Variants in KCNQ5 observed in about 807,000 individuals in gnomAD.
KCNQ5 encodes the protein potassium voltage-gated channel subfamily KQT member 5.
KCNQ5 carries 30 observed loss-of-function variants against 98.2 expected under a neutral mutation model. The ratio of observed to expected loss-of-function variants is 0.31; its 90% confidence interval spans 0.23 to 0.41. The LOEUF is 0.41. Among genes scored for constraint, KCNQ5 ranks in the 10% least tolerant of loss-of-function variants. The pLI, the probability that KCNQ5 is intolerant of heterozygous loss-of-function variation, is 1.00. For missense variants in KCNQ5, 835 were observed against 1,182.5 expected, an observed-to-expected ratio of 0.71 and a Z score of 4.31; for synonymous variants, 458 against 449.4, an observed-to-expected ratio of 1.02 and a Z score of -0.24.
intron 5 of KCNQ5, among the ~76,000 whole-genome samples, chr6:73,093,792 T>A (rs1275936232): frequency 1.3e-5 from 2 of 152,178 alleles, no homozygotes; most frequent in East Asian, 3.8e-4. Context: ...ATTTCAATTT[T>A]CTTAAATTTA....
At chr6:72,784,334 G>T (rs1024162354) in intron 1 of KCNQ5, among the ~76,000 whole-genome samples, 1 of 152,156 alleles carries the variant, frequency 6.6e-6, no homozygotes, top group Non-Finnish European at 1.5e-5. Flanking sequence ...GAGAAGAGAA[G>T]AGAAGAGAGA....
chr6:73,152,197 T>C (rs1187570238), intron 10 of KCNQ5, among the ~76,000 whole-genome samples: 3 of 151,952 alleles, frequency 2.0e-5, no homozygotes, highest in Non-Finnish European at 4.4e-5. Context: ...TTCTAGAATA[T>C]CTTATTGGGT....
At position 72,781,902 on chromosome 6, in the gene KCNQ5, CTT is replaced by C. The variant is rs1773496045; in HGVS notation, c.398+159319_398+159320del. On this transcript the variant is annotated intron_variant, in intron 1 of 13. Coordinates refer to ENST00000370398, the MANE Select transcript of KCNQ5 (RefSeq NM_019842.4). ...TTAAGCAGTTGAACACAAAGAGAGTCTTTTTATATCTTATTTGAAACCCCTGA... is the reference window on the plus strand; with the variant it reads ...TTAAGCAGTTGAACACAAAGAGAGTCTTTATATCTTATTTGAAACCCCTGA... 2.0e-5 allele frequency among the ~76,000 whole-genome samples: 3 copies of C among 152,120 alleles called. No individual in the cohort carries two copies. In the East Asian group the frequency reaches 5.8e-4, roughly 29 times the overall value.
intron 1 of KCNQ5, chr6:72,986,321 C>T (rs72945360): frequency 0.035 from 11,792 of 338,890 alleles, 283 homozygotes; most frequent in Non-Finnish European, 0.045. Context: ...GGAGCAGGCT[C>T]TCATGTGGAG....
At chr6:72,871,890 C>T (rs887555074) in intron 1 of KCNQ5, among the ~76,000 whole-genome samples, 6 of 152,070 alleles carry the variant, frequency 3.9e-5, no homozygotes, top group African/African-American at 1.4e-4. Flanking sequence ...TCAGACAGAT[C>T]GTTGAAAAGA....
chr6:72,622,659 C>T lies in KCNQ5; in HGVS notation c.398+72C>T, dbSNP rs1300135631. The T allele has an allele frequency of 6.4e-7, 1 of 1,552,862 alleles. No homozygotes were observed. The highest frequency in any genetic ancestry group is 1.4e-5 in the African/African-American group (1 of 72,902). Reference sequence around the variant, plus strand: ...CCCTGGCCCCCTGGGGCGTGCTCCGCGCTCGCGCCCTTGGGCCCCCGCGCG... The same window carrying T: ...CCCTGGCCCCCTGGGGCGTGCTCCGTGCTCGCGCCCTTGGGCCCCCGCGCG... On this transcript the variant is annotated intron_variant, in intron 1 of 13. Transcript: ENST00000370398. This position sits in a 1 kb window ranked among gnomAD's most constrained non-coding sequence, Gnocchi z 6.0.
At position 72,786,734 on chromosome 6, in the gene KCNQ5, C is replaced by T. The variant is rs142958736; in HGVS notation, c.398+164147C>T. ...AGAAATGAGAATCCTGGGCCGGGCG[C>T]GGTGGCTCACGCCTGTAATCCCTGC... On this transcript the variant is annotated intron_variant, in intron 1 of 13. Coordinates refer to ENST00000370398, the MANE Select transcript of KCNQ5 (RefSeq NM_019842.4). 8.3e-3 allele frequency among the ~76,000 whole-genome samples: 1,257 copies of T among 151,960 alleles called. 21 individuals carry two copies. Among genetic ancestry groups the T allele is most frequent in the African/African-American group, 0.029 (1,204 of 41,426 alleles).
chr6:72,756,365 G>A (rs1771971641), intron 1 of KCNQ5, among the ~76,000 whole-genome samples: 1 of 152,174 alleles, frequency 6.6e-6, no homozygotes, highest in South Asian at 2.1e-4. Flanking sequence ...ATTTACCAAA[G>A]TGGAACTCCT....
intron 1 of KCNQ5, among the ~76,000 whole-genome samples, chr6:72,833,193 G>A (rs1387607903): frequency 6.6e-6 from 1 of 152,106 alleles, no homozygotes; most frequent in Non-Finnish European, 1.5e-5. Flanking sequence ...GGCATTTTAG[G>A]ACAGTGCTTA....
chr6:73,149,805 AAAGAG>A (rs200673428), intron 10 of KCNQ5, among the ~76,000 whole-genome samples: 13 of 143,956 alleles, frequency 9.0e-5, no homozygotes, highest in African/African-American at 3.8e-4. Flanking sequence ...AAAAAAAAAA[AAAGAG>A]AGAGAGAGAG....
chr6:72,962,081 G>A (rs1023472798), intron 1 of KCNQ5, among the ~76,000 whole-genome samples: 2 of 151,470 alleles, frequency 1.3e-5, no homozygotes, highest in Admixed American at 6.6e-5. Context: ...GGGAGACTGA[G>A]GCAGGAGGAT....
At chr6:72,866,738 A>G (rs556688598) in intron 1 of KCNQ5, among the ~76,000 whole-genome samples, 8 of 152,340 alleles carry the variant, frequency 5.3e-5, no homozygotes, top group African/African-American at 1.7e-4. Context: ...TAGTTAATTT[A>G]AAAGCATGAA....
chr6:72,769,878 T>C (rs1772768425), intron 1 of KCNQ5, among the ~76,000 whole-genome samples: 2 of 152,088 alleles, frequency 1.3e-5, no homozygotes, highest in Non-Finnish European at 2.9e-5. Flanking sequence ...CAACAGCTGT[T>C]AATTTGATAG....
At chr6:73,193,131 G>A (rs1452482134) in intron 13 of KCNQ5, among the ~76,000 whole-genome samples, 2 of 148,498 alleles carry the variant, frequency 1.3e-5, no homozygotes, top group Admixed American at 6.9e-5. Flanking sequence ...AGTGATTCTC[G>A]TGCCTCAGCC....
At position 72,860,681 on chromosome 6, in the gene KCNQ5, A is replaced by G. The variant is rs1777726619; in HGVS notation, c.399-143227A>G. Among the ~76,000 whole-genome samples, 3 of 152,038 alleles carry G rather than the reference A, an allele frequency of 2.0e-5. No homozygotes were observed. In the South Asian group the frequency reaches 6.2e-4, roughly 32 times the overall value. On this transcript the variant is annotated intron_variant, in intron 1 of 13. Transcript: ENST00000370398. ...ACAAGAACTTTAATCAATAGTATCT[A>G]TTTTCCTTGTAAAAATCTGTTCCAG...
chr6:73,131,302 T>C (rs1173866690), intron 9 of KCNQ5, among the ~76,000 whole-genome samples: 4 of 152,172 alleles, frequency 2.6e-5, no homozygotes, highest in Non-Finnish European at 4.4e-5. Context: ...TATCCATTTC[T>C]TATGTATTTA....
chr6:73,088,456 A>G (rs911719597), intron 5 of KCNQ5, among the ~76,000 whole-genome samples: 14 of 152,176 alleles, frequency 9.2e-5, no homozygotes, highest in Admixed American at 6.5e-4. Context: ...GAAAAACATG[A>G]CATCCAAAGA....
intron 1 of KCNQ5, among the ~76,000 whole-genome samples, chr6:72,716,456 C>G (rs919322963): frequency 2.0e-5 from 3 of 152,180 alleles, no homozygotes; most frequent in African/African-American, 7.2e-5. Flanking sequence ...ATTTGCTTAG[C>G]TGAATATTCA....
At chr6:73,158,082 C>G in intron 10 of KCNQ5, 1 of 525,016 alleles carries the variant, frequency 1.9e-6, no homozygotes, top group Non-Finnish European at 3.6e-6. Context: ...CCGGAACCCG[C>G]GCTGGAGCCA....
Sources: allele counts gnomAD v4.1 joint callset (sites outside exome capture counted in the v4.1 genomes callset), GRCh38; gene constraint gnomAD v4.1.1; non-coding constraint Gnocchi (gnomAD v3.1); transcripts MANE v1.5; gene names NCBI Gene and HGNC (gene_info 2026-07-23, HGNC 2026-07-21).